PLEKHM3: variants seen among roughly 807,000 people sequenced by gnomAD.
PLEKHM3 encodes the protein pleckstrin homology domain containing M3.
PLEKHM3 carries 45 observed loss-of-function variants against 81.8 expected under a neutral mutation model. The ratio of observed to expected loss-of-function variants is 0.55; its 90% CI spans 0.43 to 0.71. PLEKHM3 has a LOEUF of 0.71. PLEKHM3 is among the 30% of genes least tolerant of loss of function. PLEKHM3 has a pLI of 0.00. For synonymous variants in PLEKHM3, 352 were observed against 356.4 expected, an observed-to-expected ratio of 0.99 and a Z score of 0.14; for missense variants, 788 against 924.3, an observed-to-expected ratio of 0.85 and a Z score of 1.91.
chr2:207,990,467 G>C (rs1691863333), intron 2 of PLEKHM3, among the ~76,000 whole-genome samples: 1 of 152,020 alleles, frequency 6.6e-6, no homozygotes, highest in Non-Finnish European at 1.5e-5. Flanking sequence ...TTGCATTCCT[G>C]GTTAATAAAA....
intron 3 of PLEKHM3, among the ~76,000 whole-genome samples, chr2:207,966,949 T>A (rs1417129218): frequency 6.6e-6 from 1 of 152,142 alleles, no homozygotes; most frequent in Non-Finnish European, 1.5e-5. Context: ...ACCTCTTCTT[T>A]ATGGATCTGT....
chr2:207,944,531 C>T (rs1032282010), intron 4 of PLEKHM3, among the ~76,000 whole-genome samples: 2 of 152,136 alleles, frequency 1.3e-5, no homozygotes, highest in Admixed American at 1.3e-4. Context: ...CATAATCACC[C>T]CTATTTTCTC....
At chr2:207,916,487 C>G (rs904628247) in intron 5 of PLEKHM3, among the ~76,000 whole-genome samples, 1 of 152,144 alleles carries the variant, frequency 6.6e-6, no homozygotes, top group Non-Finnish European at 1.5e-5. Flanking sequence ...CATCTGTAAT[C>G]CCAGCACTTT....
At chr2:207,906,319 C>T (rs958172147) in intron 6 of PLEKHM3, among the ~76,000 whole-genome samples, 23 of 152,180 alleles carry the variant, frequency 1.5e-4, no homozygotes, top group African/African-American at 4.3e-4. Context: ...TCCACCCTAG[C>T]CAGCAGACCA....
chr2:207,834,437 T>C (rs1219092510), intron 7 of PLEKHM3, among the ~76,000 whole-genome samples: 1 of 146,882 alleles, frequency 6.8e-6, no homozygotes, highest in East Asian at 2.0e-4. Context: ...GCCTCTTCTT[T>C]TTTTTTTTTT....
At chr2:207,943,867 CAAAAAAAAAA>C (rs66843432) in intron 4 of PLEKHM3, among the ~76,000 whole-genome samples, 3 of 75,770 alleles carry the variant, frequency 4.0e-5, no homozygotes, top group Admixed American at 1.7e-4. Flanking sequence ...GACTCCGTCT[CAAAAAAAAAA>C]AAAAAAAAAA....
At chr2:207,930,903 C>G (rs1202459852) in intron 5 of PLEKHM3, 23 bp downstream of exon 5, 5 of 1,603,984 alleles carry the variant, frequency 3.1e-6, no homozygotes, top group Non-Finnish European at 4.3e-6. Context: ...AAACGGGAGC[C>G]GTCTGAGATT....
intron 5 of PLEKHM3, among the ~76,000 whole-genome samples, chr2:207,929,067 T>C (rs1689500840): frequency 6.6e-6 from 1 of 152,198 alleles, no homozygotes; most frequent in Admixed American, 6.5e-5. Context: ...CTTCCATCTA[T>C]CCATTCAGTA....
chr2:207,985,079 C>T (rs957845240), intron 2 of PLEKHM3, among the ~76,000 whole-genome samples: 1 of 151,980 alleles, frequency 6.6e-6, no homozygotes, highest in East Asian at 1.9e-4. Context: ...TAGCCTGACC[C>T]CTCCATCATA....
intron 7 of PLEKHM3, among the ~76,000 whole-genome samples, chr2:207,828,932 T>C (rs897838665): frequency 1.3e-5 from 2 of 152,360 alleles, no homozygotes; most frequent in African/African-American, 4.8e-5. Flanking sequence ...CTACATCAGT[T>C]AACACGAGCT....
At chr2:208,003,970 T>C (rs1453893047) in intron 1 of PLEKHM3, among the ~76,000 whole-genome samples, 1 of 152,232 alleles carries the variant, frequency 6.6e-6, no homozygotes. Flanking sequence ...ATATTCCTTT[T>C]CTCATCCAGT....
intron 7 of PLEKHM3, among the ~76,000 whole-genome samples, chr2:207,840,742 G>A (rs867295981): frequency 1.4e-4 from 20 of 146,934 alleles, no homozygotes; most frequent in African/African-American, 3.7e-4. Context: ...ATTTCTCCAA[G>A]TTTCCTGTTT....
At chr2:207,855,209 A>AAAACC (rs767243095) in intron 7 of PLEKHM3, among the ~76,000 whole-genome samples, 6 of 152,182 alleles carry the variant, frequency 3.9e-5, no homozygotes, top group Non-Finnish European at 7.3e-5. Flanking sequence ...GGAAATGCTG[A>AAAACC]AAACCAAACC....
intron 6 of PLEKHM3, among the ~76,000 whole-genome samples, chr2:207,895,447 G>T (rs768807758): frequency 3.4e-4 from 51 of 152,198 alleles, no homozygotes; most frequent in Non-Finnish European, 6.0e-4. Flanking sequence ...TTTATTACCC[G>T]TGATTGCCTA....
intron 6 of PLEKHM3, chr2:207,868,756 G>A (rs2092516566): frequency 6.6e-6 from 1 of 151,848 alleles, no homozygotes; most frequent in Non-Finnish European, 1.5e-5. Context: ...TCAAGGGGAA[G>A]GAAAAAAGCT....
At chr2:208,007,299 A>G (rs1559281037) in intron 1 of PLEKHM3, among the ~76,000 whole-genome samples, 1 of 152,230 alleles carries the variant, frequency 6.6e-6, no homozygotes, top group Non-Finnish European at 1.5e-5. Context: ...TGGCCGACTG[A>G]GAATTTTCTA....
chr2:207,913,190 T>G (rs1158489113), intron 5 of PLEKHM3, among the ~76,000 whole-genome samples: 3 of 152,084 alleles, frequency 2.0e-5, no homozygotes, highest in African/African-American at 4.8e-5. Flanking sequence ...GGCAGACGGT[T>G]GGAACTGTCT....
At chr2:207,847,795 A>G (rs927746892) in intron 7 of PLEKHM3, among the ~76,000 whole-genome samples, 1 of 152,222 alleles carries the variant, frequency 6.6e-6, no homozygotes, top group Non-Finnish European at 1.5e-5. Context: ...ACCTCACTGC[A>G]ATACTCACTG....
At chr2:207,901,096 G>A in intron 6 of PLEKHM3, 1 of 601,036 alleles carries the variant, frequency 1.7e-6, no homozygotes, top group Non-Finnish European at 3.0e-6. Flanking sequence ...GTTGGCTCCT[G>A]GAATCCTTAT....
Sources: allele counts gnomAD v4.1 joint callset (sites outside exome capture counted in the v4.1 genomes callset), GRCh38; gene constraint gnomAD v4.1.1; transcripts MANE v1.5; gene names NCBI Gene and HGNC (gene_info 2026-07-23, HGNC 2026-07-21).